CSK: variants seen among roughly 807,000 people sequenced by gnomAD.
The protein encoded by CSK is tyrosine-protein kinase CSK.
Under a neutral mutation model 62.3 loss-of-function variants are expected in CSK, and 7 were observed. The observed-to-expected ratio is 0.11, with a 90% confidence interval of 0.06 to 0.21. CSK has a LOEUF of 0.21. CSK is among the 10% of genes least tolerant of loss of function. CSK has a pLI of 1.00. For synonymous variants in CSK, 237 were observed against 246.0 expected (o/e 0.96, Z 0.34); for missense variants, 294 against 613.5 (o/e 0.48, Z 5.50).
intron 4 of CSK, 49 bp from the exon 5 acceptor site, chr15:74,799,221 CAG>C: frequency 6.4e-7 from 1 of 1,550,784 alleles, no homozygotes; most frequent in Non-Finnish European, 8.7e-7. Flanking sequence ...AAAGGGGAGC[CAG>C]GGTCAGTACC....
chr15:74,798,944 TACC>T lies in CSK; in HGVS notation c.242+9_242+11del. On this transcript the variant is annotated splice_region_variant and intron_variant, in intron 4 of 12. Transcript: ENST00000220003. The surrounding 1 kb of genome is among the most constrained non-coding windows in gnomAD (Gnocchi z 6.6). Reference sequence around the variant, plus strand: ...ACCAAACTCAGCCTCATGCCGTGAGTACCACGAGGAGGGGTTGGGGAGGGAAGG... The same window carrying T: ...ACCAAACTCAGCCTCATGCCGTGAGTACGAGGAGGGGTTGGGGAGGGAAGG... The T allele has an allele frequency of 2.6e-6, 4 of 1,512,908 alleles. 1 individual carries two copies. In the South Asian group the frequency reaches 5.3e-5, roughly 20 times the overall value. 93.7% of individuals were successfully genotyped at this position (1,512,908 alleles called of 1,614,324 possible). A position where few individuals can be genotyped will look rare whatever the true frequency, so the allele number is the denominator to read the frequency against.
At chr15:74,797,002 G>A (rs2063716793) in intron 1 of CSK, among the ~76,000 whole-genome samples, 1 of 152,102 alleles carries the variant, frequency 6.6e-6, no homozygotes, top group Non-Finnish European at 1.5e-5. Flanking sequence ...GTGCAGTGGT[G>A]TGACCTTGGC....
chr15:74,784,424 C>A (rs966176433), intron 1 of CSK, among the ~76,000 whole-genome samples: 41 of 151,786 alleles, frequency 2.7e-4, no homozygotes, highest in Non-Finnish European at 4.6e-4. Flanking sequence ...TATTTTTTTA[C>A]CAACTGTGAG....
At position 74,802,322 on chromosome 15, in the gene CSK, T is replaced by C. The variant is rs556966460; in HGVS notation, c.1171-9T>C. ...GCCTGGACTGACTCCTGCCTCCCCCTGGCCACAGCCCCTGAAGGACGTCGT... is the reference window on the plus strand; with the variant it reads ...GCCTGGACTGACTCCTGCCTCCCCCCGGCCACAGCCCCTGAAGGACGTCGT... On this transcript the variant is annotated splice_polypyrimidine_tract_variant and intron_variant, in intron 12 of 12. Transcript: ENST00000220003. The C allele has an allele frequency of 1.9e-6, 3 of 1,575,744 alleles. No individual in the cohort carries two copies. The highest frequency in any genetic ancestry group is 2.6e-6 in the Non-Finnish European group (3 of 1,166,016).
In CSK at chr15:74,798,340, T is replaced by C. The variant is rs770548268; in HGVS notation, c.15+28T>C. 3 of 1,592,176 alleles carry C rather than the reference T, an allele frequency of 1.9e-6. No homozygotes were observed. The African/African-American group carries it at 4.0e-5, about 21-fold the overall frequency. On this transcript the variant is annotated intron_variant, in intron 2 of 12. Transcript: ENST00000220003. The surrounding 1 kb of genome is among the most constrained non-coding windows in gnomAD (Gnocchi z 6.6). Reference sequence around the variant, plus strand: ...ACCACAGGGGTGAGGGTCTGGGACATGCAAGCATTCCCACCAGCCCCAGCG... The same window carrying C: ...ACCACAGGGGTGAGGGTCTGGGACACGCAAGCATTCCCACCAGCCCCAGCG...
At chr15:74,786,000 C>CTTTTTTTTT (rs1232728038) in intron 1 of CSK, among the ~76,000 whole-genome samples, 8 of 59,938 alleles carry the variant, frequency 1.3e-4, no homozygotes, top group South Asian at 1.3e-3. Flanking sequence ...CTCTCTCTCT[C>CTTTTTTTTT]TCTTTTTTTT....
rs949992632 is a variant in CSK at position 74,782,734 on chromosome 15, C to G, written c.-66+14C>G. On this transcript the variant is annotated intron_variant, in intron 1 of 12. Transcript: ENST00000220003. The surrounding 1 kb of genome is among the most constrained non-coding windows in gnomAD (Gnocchi z 5.7). ...GCCCCAAGAGAGGTGAGTGCCTGGC[C>G]GTCCCGGAGTGTCCCCTGGAGGGAA... The G allele has an allele frequency of 1.3e-5, 2 of 152,650 alleles. No individual in the cohort carries two copies. The highest frequency in any genetic ancestry group is 2.9e-5 in the Non-Finnish European group (2 of 68,372). The allele number at this position is 152,650 out of a possible 1,614,324, so 9.5% of individuals were successfully genotyped here. A position where few individuals can be genotyped will look rare whatever the true frequency, so the allele number is the denominator to read the frequency against.
In CSK at chr15:74,786,000, C is replaced by CTTTTTTTTTTTTT. The variant is rs1232728038; in HGVS notation, c.-66+3281_-66+3282insTTTTTTTTTTTTT. Among the ~76,000 whole-genome samples, 76 of 59,918 alleles carry CTTTTTTTTTTTTT rather than the reference C, an allele frequency of 1.3e-3. 7 individuals are homozygous for CTTTTTTTTTTTTT. The highest frequency in any genetic ancestry group is 9.4e-3 in the Middle Eastern group (1 of 106). The allele number at this position is 59,918 out of a possible 152,430, so 39.3% of individuals were successfully genotyped here. ...CAAGGCCTCTTCTCTCTCTCTCTCT[C>CTTTTTTTTTTTTT]TCTTTTTTTTTTTTGTGTGTGTGTG... On this transcript the variant is annotated intron_variant, in intron 1 of 12. Transcript: ENST00000220003.
At chr15:74,785,394 A>G (rs1057113028) in intron 1 of CSK, among the ~76,000 whole-genome samples, 6 of 152,126 alleles carry the variant, frequency 3.9e-5, no homozygotes, top group Non-Finnish European at 8.8e-5. Flanking sequence ...TGTCGTTACT[A>G]TGAGTCCCAA....
At chr15:74,791,051 A>C (rs979749148) in intron 1 of CSK, 1 of 152,238 alleles carries the variant, frequency 6.6e-6, no homozygotes, top group Admixed American at 6.5e-5. Context: ...CAAAAGGACA[A>C]AATAGCAAAT....
intron 1 of CSK, among the ~76,000 whole-genome samples, chr15:74,784,538 C>T (rs1193905448): frequency 6.6e-6 from 1 of 152,064 alleles, no homozygotes; most frequent in Admixed American, 6.5e-5. Flanking sequence ...GCTTGGTGCC[C>T]TCCACCCTCT....
chr15:74,788,815 G>A (rs949896724), intron 1 of CSK: 2 of 154,286 alleles, frequency 1.3e-5, no homozygotes, highest in African/African-American at 4.8e-5. Flanking sequence ...GTCCATTGAA[G>A]GCTAGTGCTG....
Position 74,800,370 on chromosome 15 carries a change from C to T in CSK, c.463-42C>T, listed in dbSNP as rs777177783. 17 of 1,584,790 alleles carry T rather than the reference C, an allele frequency of 1.1e-5. No homozygotes were observed. In the Admixed American group the frequency reaches 2.7e-4, roughly 26 times the overall value. On this transcript the variant is annotated intron_variant, in intron 5 of 12. Coordinates refer to ENST00000220003, the MANE Select transcript of CSK (RefSeq NM_004383.3). ...AGGCCTGGACGGTGCATATGGGGCA[C>T]CTTGGGCTGTCTCTGAGCACCCTGC...
chr15:74,800,874 A>G lies in CSK; in HGVS notation c.674A>G (p.Lys225Arg), dbSNP rs1412911111. The G allele has an allele frequency of 3.1e-6, 5 of 1,613,258 alleles. No homozygotes were observed. Among genetic ancestry groups the G allele is most frequent in the Non-Finnish European group, 4.2e-6 (5 of 1,180,038 alleles). Residue 225 changes from lysine to arginine, a missense_variant, in exon 8 of 13, where the codon AAG becomes AGG. Coordinates refer to ENST00000220003, the MANE Select transcript of CSK (RefSeq NM_004383.3). ...RGNKVAVKCI[K>R]NDATAQAFLA... Reference sequence around the variant, plus strand: ...AACAAAGTCGCCGTCAAGTGCATTAAGAACGACGCCACTGCCCAGGCCTTC... The same window carrying G: ...AACAAAGTCGCCGTCAAGTGCATTAGGAACGACGCCACTGCCCAGGCCTTC...
rs928588873 is a variant in CSK, at chr15:74,802,661, G to T, written c.*148G>T. 3.5e-5 allele frequency: 35 copies of T among 992,054 alleles called. No individual in the cohort carries two copies. The highest frequency in any genetic ancestry group is 2.7e-4 in the South Asian group (16 of 58,968). The allele number at this position is 992,054 out of a possible 1,614,324, so 61.5% of individuals were successfully genotyped here. On this transcript the variant is annotated 3_prime_UTR_variant, in exon 13 of 13. Coordinates refer to ENST00000220003, the MANE Select transcript of CSK (RefSeq NM_004383.3). ...CTGCGTCCCAGCCTGCACCCCTCCGGCCCCGTCTCTCTTGGACCCACCTGT... is the reference window on the plus strand; with the variant it reads ...CTGCGTCCCAGCCTGCACCCCTCCGTCCCCGTCTCTCTTGGACCCACCTGT...
chr15:74,785,368 CTG>C (rs1184508856), intron 1 of CSK, among the ~76,000 whole-genome samples: 5 of 152,184 alleles, frequency 3.3e-5, no homozygotes, highest in African/African-American at 1.2e-4. Flanking sequence ...TTTTTCCCCT[CTG>C]TTGCTGTTGT....
Position 74,798,983 on chromosome 15 carries a change from C to T in CSK, c.242+45C>T. 1 of 1,452,302 alleles carries T rather than the reference C, an allele frequency of 6.9e-7. No individual in the cohort carries two copies. Among genetic ancestry groups the T allele is most frequent in the Non-Finnish European group, 9.1e-7 (1 of 1,102,240 alleles). 90.0% of individuals were successfully genotyped at this position (1,452,302 alleles called of 1,614,324 possible). A position where few individuals can be genotyped will look rare whatever the true frequency, so the allele number is the denominator to read the frequency against. On this transcript the variant is annotated intron_variant, in intron 4 of 12. Transcript: ENST00000220003. The surrounding 1 kb of genome is among the most constrained non-coding windows in gnomAD (Gnocchi z 6.6). The stretch of plus-strand genomic sequence containing the variant: ...GTTGGGGAGGGAAGGGGCCTTGGTC[C>T]TCCTGAAGGAGCATCAGGAGCAAGC...
rs2071501 is a variant in CSK at position 74,802,816 on chromosome 15, T to G, written c.*303T>G. ...TTAGAGTTTTATTCCTTTCCTTTTT[T>G]GAGATTTTTTTTCCGTGTGTTTATT... is the stretch of plus-strand genomic sequence containing the variant. On this transcript the variant is annotated 3_prime_UTR_variant, in exon 13 of 13. Coordinates refer to ENST00000220003, the MANE Select transcript of CSK (RefSeq NM_004383.3). The G allele has an allele frequency of 0.094, 29,689 of 314,360 alleles. 2,883 individuals are homozygous for G. Among genetic ancestry groups the G allele is most frequent in the East Asian group, 0.39 (6,584 of 16,780 alleles). 19.5% of individuals were successfully genotyped at this position (314,360 alleles called of 1,614,324 possible).
intron 1 of CSK, among the ~76,000 whole-genome samples, chr15:74,797,691 T>C (rs2063727761): frequency 6.6e-6 from 1 of 151,978 alleles, no homozygotes; most frequent in Non-Finnish European, 1.5e-5. Context: ...CAGTTTGAGG[T>C]TTATTACAAA....
Sources: gnomAD v4.1 joint callset for allele counts (sites outside exome capture counted in the v4.1 genomes callset) on GRCh38, gnomAD v4.1.1 for gene constraint, Gnocchi (gnomAD v3.1) non-coding constraint, MANE v1.5 for transcripts, NCBI Gene and HGNC (gene_info 2026-07-23, HGNC 2026-07-21) for gene names.